CFAP46: variants seen among roughly 807,000 people sequenced by gnomAD.
The protein encoded by CFAP46 is cilia and flagella associated protein 46.
In CFAP46, 245 loss-of-function variants were observed where a neutral mutation model predicts 325.7. That is an observed-to-expected ratio of 0.75 (90% CI 0.68 to 0.84). The LOEUF is 0.84. CFAP46 is among the 40% of genes least tolerant of loss of function. The pLI is 0.00. For synonymous variants in CFAP46, 1,523 were observed against 1,495.9 expected (o/e 1.02, Z -0.42); for missense variants, 3,346 against 3,543.0 (o/e 0.94, Z 1.41).
intron 24 of CFAP46, among the ~76,000 whole-genome samples, chr10:132,894,055 C>T (rs1849290035): frequency 6.6e-6 from 1 of 151,940 alleles, no homozygotes. Flanking sequence ...TTGCTGCAGC[C>T]CCCTGAGGGT....
At position 132,879,649 on chromosome 10, in the gene CFAP46, C is replaced by G; in HGVS notation, c.3800-18G>C. ...GTACTCCCCTGAAACACGGGGTGCC[C>G]GAGGCTGAGAGCAGGCCCGGCTACG... On this transcript the variant is annotated intron_variant, in intron 28 of 57. Transcript: ENST00000368586. 2 of 1,491,576 alleles carry G rather than the reference C, an allele frequency of 1.3e-6. No homozygotes were observed. Among genetic ancestry groups the G allele is most frequent in the Non-Finnish European group, 1.8e-6 (2 of 1,119,112 alleles). 92.4% of individuals were successfully genotyped at this position (1,491,576 alleles called of 1,614,324 possible).
intron 25 of CFAP46, among the ~76,000 whole-genome samples, chr10:132,887,022 C>G (rs1849142393): frequency 6.6e-6 from 1 of 151,616 alleles, no homozygotes; most frequent in Admixed American, 6.6e-5. Context: ...TCTCTCTCTG[C>G]TCTCTTCTCT....
chr10:132,868,994 C>G (rs953593615), intron 33 of CFAP46, among the ~76,000 whole-genome samples: 5 of 152,252 alleles, frequency 3.3e-5, no homozygotes, highest in African/African-American at 1.2e-4. Context: ...GCCCAAGGGT[C>G]CAGGGCCCGG....
At chr10:132,929,648 C>A in intron 9 of CFAP46, 57 bp downstream of exon 9, 1 of 1,513,474 alleles carries the variant, frequency 6.6e-7, no homozygotes, top group Non-Finnish European at 9.2e-7. Context: ...GCCTTTTGTC[C>A]AACTGCACGG....
Position 132,817,384 on chromosome 10 carries a change from A to G in CFAP46, c.7118-2470T>C, listed in dbSNP as rs944997159. Among the ~76,000 whole-genome samples the G allele has an allele frequency of 6.6e-6, 1 of 151,144 alleles. No homozygotes were observed. The highest frequency in any genetic ancestry group is 1.5e-5 in the Non-Finnish European group (1 of 67,748). On this transcript the variant is annotated intron_variant, in intron 50 of 57. Coordinates refer to ENST00000368586, the MANE Select transcript of CFAP46 (RefSeq NM_001200049.3). This position sits in a 1 kb window ranked among gnomAD's most constrained non-coding sequence, Gnocchi z 4.4. The stretch of plus-strand genomic sequence containing the variant: ...TTCCTGCAAAGGGCATGCGGCTGGC[A>G]CCTCTTATCTCCTGTGTCTTCTCAC...
intron 4 of CFAP46, among the ~76,000 whole-genome samples, chr10:132,940,451 G>A (rs536907805): frequency 4.6e-5 from 7 of 152,324 alleles, no homozygotes; most frequent in South Asian, 2.1e-4. Flanking sequence ...AGTCGCCTCC[G>A]CAGGGACAGC....
chr10:132,871,693 C>A (rs145196790), intron 32 of CFAP46, among the ~76,000 whole-genome samples: 1 of 152,186 alleles, frequency 6.6e-6, no homozygotes, highest in African/African-American at 2.4e-5. Context: ...TGAATGGATG[C>A]GGAATTGCCT....
chr10:132,847,032 C>T lies in CFAP46; in HGVS notation c.6167G>A (p.Ser2056Asn), dbSNP rs1452678038. ...GGCTGCTGCGACATCCAGGAGGCCA[C>T]TGCCAAGGGCCACCTGTAGGCACTG... is the stretch of plus-strand genomic sequence containing the variant. ...LLQCLQVALG[S>N]GLLDVAAAAS... Residue 2056 changes from serine (S) to asparagine (N), a missense_variant, in exon 43 of 58, where the codon AGT becomes AAT. Transcript: ENST00000368586. The surrounding 1 kb of genome is among the most constrained non-coding windows in gnomAD (Gnocchi z 5.2). 2 of 1,612,052 alleles carry T rather than the reference C, an allele frequency of 1.2e-6. No homozygotes were observed. Among genetic ancestry groups the T allele is most frequent in the Non-Finnish European group, 1.7e-6 (2 of 1,179,798 alleles).
intron 35 of CFAP46, among the ~76,000 whole-genome samples, chr10:132,862,811 C>T (rs1299746568): frequency 9.6e-5 from 7 of 72,998 alleles, no homozygotes; most frequent in Admixed American, 3.1e-4. Flanking sequence ...TGGAGGGGGA[C>T]GGGGCGGCCG....
rs553764787 is a variant in CFAP46 at position 132,890,799 on chromosome 10, G to T, written c.3304+1534C>A. Among the ~76,000 whole-genome samples, 5 of 152,274 alleles carry T rather than the reference G, an allele frequency of 3.3e-5. No homozygotes were observed. The South Asian group carries it at 1.0e-3, about 32-fold the overall frequency. ...GCAGGACCAGCAAACCACACACACT[G>T]CTGGGGTTAGTACTCACCTTAGTAA... On this transcript the variant is annotated intron_variant, in intron 25 of 57. Transcript: ENST00000368586.
At position 132,851,044 on chromosome 10, in the gene CFAP46, G is replaced by A. The variant is rs537494111; in HGVS notation, c.5763+73C>T. 521 of 1,571,450 alleles carry A rather than the reference G, an allele frequency of 3.3e-4. 3 individuals carry two copies. The East Asian group carries it at 6.1e-3, about 19-fold the overall frequency. On this transcript the variant is annotated intron_variant, in intron 40 of 57. Transcript: ENST00000368586. ...CACAGTGGTGGAGACGGCTCCTGCT[G>A]GAACGGGGGTCCCATCAGCTGCACT...
chr10:132,907,087 T>A (rs1236616495), intron 22 of CFAP46, among the ~76,000 whole-genome samples: 1 of 152,254 alleles, frequency 6.6e-6, no homozygotes, highest in East Asian at 1.9e-4. Flanking sequence ...CCTGGAGCCG[T>A]CCTGGTGTGC....
chr10:132,851,024 T>G, intron 40 of CFAP46, 93 bp downstream of exon 40: 1 of 1,477,426 alleles, frequency 6.8e-7, no homozygotes, highest in Admixed American at 1.8e-5. Flanking sequence ...AGGTGCACAG[T>G]GGTGGAGACG....
intron 39 of CFAP46, among the ~76,000 whole-genome samples, chr10:132,853,052 C>A (rs560094859): frequency 6.6e-6 from 1 of 151,332 alleles, no homozygotes; most frequent in East Asian, 1.9e-4. Context: ...TTCCTTTTTT[C>A]CTGCCGGATT....
intron 39 of CFAP46, among the ~76,000 whole-genome samples, chr10:132,852,292 T>C (rs574077132): frequency 7.8e-4 from 85 of 109,242 alleles, no homozygotes; most frequent in Non-Finnish European, 1.3e-3. Context: ...TCTCAGATCC[T>C]GATCCACAGA....
Position 132,847,697 on chromosome 10 carries a change from A to G in CFAP46, c.5953-376T>C, listed in dbSNP as rs1180264510. Among the ~76,000 whole-genome samples, 2 of 152,092 alleles carry G rather than the reference A, an allele frequency of 1.3e-5. No individual in the cohort carries two copies. The highest frequency in any genetic ancestry group is 2.9e-5 in the Non-Finnish European group (2 of 67,994). ...CCGGAACCAGCCAGCACTGAGGCTG[A>G]GGCATCCACCAGCCCTCAGGGGCCC... is the stretch of plus-strand genomic sequence containing the variant. On this transcript the variant is annotated intron_variant, in intron 41 of 57. Transcript: ENST00000368586. The surrounding 1 kb of genome is among the most constrained non-coding windows in gnomAD (Gnocchi z 5.2).
intron 28 of CFAP46, 79 bp from the exon 29 acceptor site, chr10:132,879,710 G>A (rs771767030): frequency 9.2e-5 from 127 of 1,385,352 alleles, no homozygotes; most frequent in Non-Finnish European, 1.1e-4. Flanking sequence ...TTCCCTGCCC[G>A]AGGCTGTGGT....
chr10:132,812,992 A>G, intron 54 of CFAP46, 95 bp from the exon 55 acceptor site: 3 of 871,080 alleles, frequency 3.4e-6, no homozygotes, highest in Non-Finnish European at 5.5e-6. Context: ...TGCGTGGTCC[A>G]CGCCTGTCCC....
chr10:132,824,768 G>A (rs1848002848), intron 50 of CFAP46, among the ~76,000 whole-genome samples: 1 of 121,714 alleles, frequency 8.2e-6, no homozygotes, highest in Non-Finnish European at 1.7e-5. Flanking sequence ...GCTGATGTGT[G>A]CTGTATGTTG....
Sources: gnomAD v4.1 joint callset for allele counts (sites outside exome capture counted in the v4.1 genomes callset) on GRCh38, gnomAD v4.1.1 for gene constraint, Gnocchi (gnomAD v3.1) non-coding constraint, MANE v1.5 for transcripts, NCBI Gene and HGNC (gene_info 2026-07-23, HGNC 2026-07-21) for gene names.